TADA2A: variants seen among roughly 807,000 people sequenced by gnomAD.
The protein encoded by TADA2A is transcriptional adaptor 2A.
In TADA2A, 38 loss-of-function variants were observed where a neutral mutation model predicts 67.4. The observed-to-expected ratio is 0.56, with a 90% CI of 0.44 to 0.74. TADA2A has a LOEUF of 0.74. Among genes scored for constraint, TADA2A ranks in the 30% least tolerant of loss-of-function variants. TADA2A has a pLI of 0.00. For synonymous variants in TADA2A, 192 were observed against 181.6 expected (o/e 1.06, Z -0.46); for missense variants, 454 against 547.0 (o/e 0.83, Z 1.70).
At chr17:37,447,605 C>G (rs1490425165) in intron 8 of TADA2A, among the ~76,000 whole-genome samples, 11 of 152,124 alleles carry the variant, frequency 7.2e-5, no homozygotes, top group Non-Finnish European at 1.2e-4. Flanking sequence ...TGAGACCCCC[C>G]ACCTCTAAAA....
intron 4 of TADA2A, among the ~76,000 whole-genome samples, chr17:37,437,120 C>G (rs372911441): frequency 4.7e-5 from 7 of 147,950 alleles, no homozygotes; most frequent in African/African-American, 1.8e-4. Context: ...GAGTCTTGCT[C>G]TGTCGCCCAG....
chr17:37,459,083 C>G (rs1028287295), intron 9 of TADA2A, among the ~76,000 whole-genome samples: 5 of 152,112 alleles, frequency 3.3e-5, no homozygotes, highest in African/African-American at 1.2e-4. Context: ...CTCAATTTTT[C>G]CTTCTCTCAA....
chr17:37,440,674 C>T lies in TADA2A; in HGVS notation c.442+12C>T. 6.2e-7 allele frequency: 1 copy of T among 1,614,038 alleles called. No homozygotes were observed. The highest frequency in any genetic ancestry group is 8.5e-7 in the Non-Finnish European group (1 of 1,179,958). ...CATTCCATTTCACTGTAAGTGCCTCCCTATCTTGATAAGATATACTTAGCT... is the reference window on the plus strand; with the variant it reads ...CATTCCATTTCACTGTAAGTGCCTCTCTATCTTGATAAGATATACTTAGCT... On this transcript the variant is annotated intron_variant, in intron 6 of 15. Coordinates refer to ENST00000615182, the MANE Select transcript of TADA2A (RefSeq NM_001166105.3).
chr17:37,407,661 G>T (rs760365494), intron 1 of TADA2A, among the ~76,000 whole-genome samples: 38 of 150,946 alleles, frequency 2.5e-4, no homozygotes, highest in Non-Finnish European at 4.9e-4. Context: ...AGGCTGTACT[G>T]CAGTGCAGTG....
chr17:37,461,654 A>T (rs853191), intron 9 of TADA2A, among the ~76,000 whole-genome samples: 110,411 of 152,184 alleles, frequency 0.73, 40,687 homozygotes, highest in East Asian at 0.97. Flanking sequence ...TGCACAGTTG[A>T]AAATGTTGAA....
At chr17:37,422,361 A>G (rs1012004212) in intron 2 of TADA2A, among the ~76,000 whole-genome samples, 1 of 149,942 alleles carries the variant, frequency 6.7e-6, no homozygotes, top group Non-Finnish European at 1.5e-5. Flanking sequence ...TTGTAGTTTT[A>G]GTAGAGACAG....
intron 5 of TADA2A, among the ~76,000 whole-genome samples, chr17:37,439,425 G>A (rs1002811944): frequency 1.3e-5 from 2 of 151,948 alleles, no homozygotes; most frequent in African/African-American, 2.4e-5. Context: ...TGGGACTACC[G>A]GCGTGTGCAA....
intron 11 of TADA2A, 79 bp from the exon 12 acceptor site, chr17:37,467,375 A>C: frequency 8.5e-7 from 1 of 1,170,458 alleles, no homozygotes; most frequent in Non-Finnish European, 1.3e-6. Context: ...AATTAATGAA[A>C]ATGCTCAATA....
In TADA2A at chr17:37,477,033, A is replaced by G. The variant is rs2053905984; in HGVS notation, c.*51A>G. ...TCAGAAGTTTGGAATGTGGTGGGTC[A>G]AAGGACAATATGGGTGGGCATTCTG... On this transcript the variant is annotated 3_prime_UTR_variant, in exon 16 of 16. Coordinates refer to ENST00000615182, the MANE Select transcript of TADA2A (RefSeq NM_001166105.3). 6.4e-7 allele frequency: 1 copy of G among 1,552,876 alleles called. No homozygotes were observed. Among genetic ancestry groups the G allele is most frequent in the African/African-American group, 1.4e-5 (1 of 73,382 alleles).
intron 4 of TADA2A, 22 bp downstream of exon 4, chr17:37,427,031 A>C: frequency 6.4e-7 from 1 of 1,558,512 alleles, no homozygotes; most frequent in Non-Finnish European, 8.7e-7. Context: ...GTTGCTGGGA[A>C]TTTCTGTTCA....
chr17:37,442,685 A>G (rs756035039), intron 7 of TADA2A, 33 bp downstream of exon 7: 3 of 1,601,198 alleles, frequency 1.9e-6, no homozygotes, highest in South Asian at 2.2e-5. Flanking sequence ...ACAAAGTAGG[A>G]AAAATTCATT....
chr17:37,437,659 G>A, intron 4 of TADA2A, 79 bp from the exon 5 acceptor site: 2 of 1,290,334 alleles, frequency 1.5e-6, no homozygotes, highest in Non-Finnish European at 2.2e-6. Context: ...AGTGCTGGGA[G>A]TATAGGCGTG....
At chr17:37,470,791 T>C (rs2053770206) in intron 13 of TADA2A, among the ~76,000 whole-genome samples, 1 of 152,144 alleles carries the variant, frequency 6.6e-6, no homozygotes, top group Admixed American at 6.6e-5. Flanking sequence ...ACCCATGACT[T>C]CAACTCTCTC....
At chr17:37,439,924 TTA>T (rs2052848634) in intron 5 of TADA2A, among the ~76,000 whole-genome samples, 1 of 100,670 alleles carries the variant, frequency 9.9e-6, no homozygotes, top group African/African-American at 4.4e-5. Context: ...ATTTATTTAT[TTA>T]TTTATTTATT....
At chr17:37,468,335 T>G (rs2053712208) in intron 12 of TADA2A, among the ~76,000 whole-genome samples, 1 of 152,122 alleles carries the variant, frequency 6.6e-6, no homozygotes, top group South Asian at 2.1e-4. Flanking sequence ...ACTTATAAAG[T>G]ACCGTTACTT....
chr17:37,468,709 A>T (rs2053720703), intron 12 of TADA2A, among the ~76,000 whole-genome samples: 1 of 148,556 alleles, frequency 6.7e-6, no homozygotes, highest in Non-Finnish European at 1.5e-5. Flanking sequence ...GAGTTAGTGT[A>T]AAGATTTAAT....
chr17:37,460,704 A>G (rs2053527121), intron 9 of TADA2A, among the ~76,000 whole-genome samples: 1 of 152,214 alleles, frequency 6.6e-6, no homozygotes. Context: ...CTTAGAAATT[A>G]TGGATCTCAG....
intron 1 of TADA2A, chr17:37,407,223 C>T (rs1395751257): frequency 6.6e-6 from 1 of 152,164 alleles, no homozygotes; most frequent in Non-Finnish European, 1.5e-5. Flanking sequence ...CCGGCCTCGC[C>T]ATTTCCCGCT....
At chr17:37,424,644 C>T (rs1355374020) in intron 3 of TADA2A, among the ~76,000 whole-genome samples, 2 of 152,104 alleles carry the variant, frequency 1.3e-5, no homozygotes, top group Non-Finnish European at 2.9e-5. Flanking sequence ...GCAACCTCTG[C>T]CTCCCGGGTT....
Sources: allele counts gnomAD v4.1 joint callset (sites outside exome capture counted in the v4.1 genomes callset), GRCh38; gene constraint gnomAD v4.1.1; transcripts MANE v1.5; gene names NCBI Gene and HGNC (gene_info 2026-07-23, HGNC 2026-07-21).